Variants in TNKS2 observed in about 807,000 individuals in gnomAD.
The protein encoded by TNKS2 is tankyrase 2, also known as poly [ADP-ribose] polymerase tankyrase-2.
Under a neutral mutation model 137.6 loss-of-function variants are expected in TNKS2, and 72 were observed. The observed-to-expected ratio is 0.52, with a 90% CI of 0.43 to 0.64. The LOEUF is 0.64. Among genes scored for constraint, TNKS2 ranks in the 30% least tolerant of loss-of-function variants. TNKS2 has a pLI of 0.00. For missense variants in TNKS2, 1,049 were observed against 1,410.2 expected (o/e 0.74, Z 4.10); for synonymous variants, 516 against 512.1 (o/e 1.01, Z -0.10).
intron 18 of TNKS2, among the ~76,000 whole-genome samples, chr10:91,846,625 T>C (rs753780651): frequency 9.9e-5 from 15 of 151,852 alleles, no homozygotes; most frequent in Non-Finnish European, 1.9e-4. Flanking sequence ...CTTTTTGAGA[T>C]GAGAAGGAAG....
rs1278243395 is a variant in TNKS2 at position 91,864,274 on chromosome 10, T to G, written c.*1275T>G. 2.0e-5 allele frequency: 3 copies of G among 152,598 alleles called. No homozygotes were observed. Among genetic ancestry groups the G allele is most frequent in the Admixed American group, 6.6e-5 (1 of 15,264 alleles). 9.5% of individuals were successfully genotyped at this position (152,598 alleles called of 1,614,324 possible). ...TATGGTGACCACGCCTGTGCTCAGT[T>G]TGGCAGCTATAGAAGGAAATGCTGT... On this transcript the variant is annotated 3_prime_UTR_variant, in exon 27 of 27. Coordinates refer to ENST00000371627, the MANE Select transcript of TNKS2 (RefSeq NM_025235.4).
intron 12 of TNKS2, among the ~76,000 whole-genome samples, chr10:91,835,118 G>GAAGTAATA (rs1450696233): frequency 6.6e-6 from 1 of 151,982 alleles, no homozygotes; most frequent in Non-Finnish European, 1.5e-5. Flanking sequence ...GTGAATTACA[G>GAAGTAATA]AAGTAATAGA....
In TNKS2 at chr10:91,819,965, A is replaced by C. The variant is rs753952246; in HGVS notation, c.660A>C (p.Gly220=). The stretch of plus-strand genomic sequence containing the variant: ...CAACTCCATTACATTTGGCAGCAGG[A>C]TATAACAGAGTAAAGATTGTACAGC... The part of the protein sequence containing the change: ...RKSTPLHLAA[G]YNRVKIVQLL... The change falls in exon 6 of 27, where the codon GGA becomes GGC. Residue 220 remains glycine, a synonymous_variant. Coordinates refer to ENST00000371627, the MANE Select transcript of TNKS2 (RefSeq NM_025235.4). 6 of 1,592,458 alleles carry C rather than the reference A, an allele frequency of 3.8e-6. No homozygotes were observed. The highest frequency in any genetic ancestry group is 5.1e-6 in the Non-Finnish European group (6 of 1,170,112).
intron 24 of TNKS2, among the ~76,000 whole-genome samples, chr10:91,859,101 C>A (rs925417154): frequency 6.6e-6 from 1 of 152,208 alleles, no homozygotes; most frequent in East Asian, 1.9e-4. Context: ...ATTCTAAGAC[C>A]TAATTGCATT....
chr10:91,803,387 G>T (rs1844235496), intron 1 of TNKS2, among the ~76,000 whole-genome samples: 1 of 151,928 alleles, frequency 6.6e-6, no homozygotes, highest in African/African-American at 2.4e-5. Flanking sequence ...TGGTGGCACA[G>T]AACTGACACT....
chr10:91,826,167 C>G (rs879540468), intron 7 of TNKS2, among the ~76,000 whole-genome samples: 1 of 152,204 alleles, frequency 6.6e-6, no homozygotes, highest in Non-Finnish European at 1.5e-5. Flanking sequence ...ACACCTTATA[C>G]ACATAGCCTG....
At chr10:91,816,766 T>TG (rs1250288338) in intron 2 of TNKS2, among the ~76,000 whole-genome samples, 1 of 152,038 alleles carries the variant, frequency 6.6e-6, no homozygotes, top group Admixed American at 6.6e-5. Flanking sequence ...TCTGTCATGA[T>TG]GAACAGTCTT....
At chr10:91,820,963 C>T (rs1844870042) in intron 6 of TNKS2, among the ~76,000 whole-genome samples, 1 of 152,156 alleles carries the variant, frequency 6.6e-6, no homozygotes, top group African/African-American at 2.4e-5. Context: ...ATACAGGAGG[C>T]AAAATTGTTT....
chr10:91,836,928 CATT>C lies in TNKS2; in HGVS notation c.1459_1461del (p.Leu487del). The C allele has an allele frequency of 6.2e-7, 1 of 1,612,956 alleles. No homozygotes were observed. Among genetic ancestry groups the C allele is most frequent in the African/African-American group, 1.3e-5 (1 of 74,982 alleles). Reference sequence around the variant, plus strand: ...TCTCTCTCTTTTTTAGAGGGTATCTCATTAGGTAATTCAGAGGCAGACAGACAA... The same window carrying C: ...TCTCTCTCTTTTTTAGAGGGTATCTCAGGTAATTCAGAGGCAGACAGACAA... On this transcript the variant is annotated inframe_deletion, in exon 13 of 27. Coordinates refer to ENST00000371627, the MANE Select transcript of TNKS2 (RefSeq NM_025235.4).
intron 17 of TNKS2, among the ~76,000 whole-genome samples, chr10:91,845,240 C>T (rs1021751058): frequency 4.6e-5 from 7 of 152,130 alleles, no homozygotes; most frequent in African/African-American, 1.7e-4. Context: ...TTATTATCTG[C>T]CTTAACACCT....
At chr10:91,859,056 T>C (rs1477546324) in intron 24 of TNKS2, among the ~76,000 whole-genome samples, 1 of 152,108 alleles carries the variant, frequency 6.6e-6, no homozygotes, top group East Asian at 1.9e-4. Flanking sequence ...TTGGGCCACT[T>C]GGTATCTTCA....
At chr10:91,822,245 G>A (rs769369322) in intron 6 of TNKS2, 51 bp from the exon 7 acceptor site, 2 of 1,406,858 alleles carry the variant, frequency 1.4e-6, no homozygotes, top group South Asian at 1.3e-5. Context: ...AATTTCCCTA[G>A]GCCTAAGAAA....
chr10:91,801,830 C>T (rs529264594), intron 1 of TNKS2, among the ~76,000 whole-genome samples: 2 of 152,300 alleles, frequency 1.3e-5, no homozygotes, highest in Admixed American at 6.5e-5. Flanking sequence ...GGTAGGGTGG[C>T]TGTTGCTCTA....
intron 12 of TNKS2, among the ~76,000 whole-genome samples, chr10:91,835,293 T>C (rs1054783242): frequency 6.6e-6 from 1 of 150,778 alleles, no homozygotes; most frequent in African/African-American, 2.4e-5. Context: ...TTCTTTTTTT[T>C]TTTCTTTTTT....
At chr10:91,839,374 G>C (rs1372486519) in intron 13 of TNKS2, among the ~76,000 whole-genome samples, 1 of 151,504 alleles carries the variant, frequency 6.6e-6, no homozygotes, top group African/African-American at 2.4e-5. Context: ...ATGGAGTCTG[G>C]GTTGGTCACC....
chr10:91,811,472 A>G (rs368896480), intron 1 of TNKS2, among the ~76,000 whole-genome samples: 2 of 151,934 alleles, frequency 1.3e-5, no homozygotes, highest in African/African-American at 4.8e-5. Flanking sequence ...CACTTTATAT[A>G]TACATAGCAA....
At position 91,848,450 on chromosome 10, in the gene TNKS2, C is replaced by T; in HGVS notation, c.2426C>T (p.Pro809Leu). 1 of 1,614,188 alleles carries T rather than the reference C, an allele frequency of 6.2e-7. No homozygotes were observed. Among genetic ancestry groups the T allele is most frequent in the Admixed American group, 1.7e-5 (1 of 60,024 alleles). ...TCTGCTCTGCCCTCTTGTTACAAGC[C>T]TCAAGTGCTCAATGGTGTGAGAAGC... ...PPSALPSCYK[P>L]QVLNGVRSPG... The change falls in exon 19 of 27, where the codon CCT (proline) becomes CTT (leucine). Residue 809 changes from proline (P) to leucine (L), a missense_variant. By Grantham distance (98) the Pro-to-Leu change is moderately conservative. This residue lies in a region of TNKS2 where 208 missense variants were observed against 231.2 expected (regional missense o/e 0.90). Transcript: ENST00000371627.
At chr10:91,843,497 T>G (rs368820723) in intron 16 of TNKS2, among the ~76,000 whole-genome samples, 2 of 152,318 alleles carry the variant, frequency 1.3e-5, no homozygotes, top group East Asian at 1.9e-4. Flanking sequence ...GGGTTAGGGC[T>G]TCAACATAAG....
intron 25 of TNKS2, among the ~76,000 whole-genome samples, chr10:91,860,922 C>T (rs866532412): frequency 6.6e-6 from 1 of 152,116 alleles, no homozygotes; most frequent in African/African-American, 2.4e-5. Flanking sequence ...GGTCTGAAGG[C>T]TAAATAGTTC....
Sources: gnomAD v4.1 joint callset for allele counts (sites outside exome capture counted in the v4.1 genomes callset) on GRCh38, gnomAD v4.1.1 for gene constraint, gnomAD v4.1.1 regional missense constraint, MANE v1.5 for transcripts, NCBI Gene and HGNC (gene_info 2026-07-23, HGNC 2026-07-21) for gene names.